Variants in DAB1 observed in about 807,000 individuals in gnomAD.
DAB1 encodes DAB adaptor protein 1.
In DAB1, 15 loss-of-function variants were observed where a neutral mutation model predicts 64.6. The ratio of observed to expected loss-of-function variants is 0.23; its 90% CI spans 0.16 to 0.36. DAB1 has a LOEUF of 0.36. Among genes scored for constraint, DAB1 ranks in the 10% least tolerant of loss-of-function variants. The pLI, the probability that DAB1 is intolerant of heterozygous loss-of-function variation, is 1.00. For missense variants in DAB1, 596 were observed against 706.7 expected, an observed-to-expected ratio of 0.84 and a Z score of 1.78; for synonymous variants, 235 against 251.9, an observed-to-expected ratio of 0.93 and a Z score of 0.64.
At chr1:57,499,871 G>A (rs943091429) in intron 7 of DAB1, among the ~76,000 whole-genome samples, 1 of 152,200 alleles carries the variant, frequency 6.6e-6, no homozygotes, top group East Asian at 1.9e-4. Context: ...ACTTGATTGT[G>A]AGCTGCTTTG....
At chr1:57,254,394 A>T (rs1470087247) in intron 2 of DAB1, among the ~76,000 whole-genome samples, 1 of 152,258 alleles carries the variant, frequency 6.6e-6, no homozygotes, top group African/African-American at 2.4e-5. Flanking sequence ...TAACACACAC[A>T]AAATAATCAA....
intron 3 of DAB1, among the ~76,000 whole-genome samples, chr1:57,139,308 T>C (rs1255523741): frequency 2.6e-5 from 4 of 152,110 alleles, no homozygotes; most frequent in Non-Finnish European, 5.9e-5. Context: ...GGATACAGCA[T>C]GTATCCACTT....
intron 6 of DAB1, among the ~76,000 whole-genome samples, chr1:57,779,897 G>A (rs1442174615): frequency 6.6e-6 from 1 of 152,044 alleles, no homozygotes; most frequent in African/African-American, 2.4e-5. Context: ...CCATCAAGAA[G>A]AGAGGCCTGA....
chr1:57,669,358 A>G (rs1346690762), intron 6 of DAB1, among the ~76,000 whole-genome samples: 2 of 152,170 alleles, frequency 1.3e-5, no homozygotes, highest in Admixed American at 1.3e-4. Context: ...CACTACTATA[A>G]GAATGTATAC....
At position 58,481,215 on chromosome 1, in the gene DAB1, C is replaced by T. The variant is rs766274122; in HGVS notation, n.257+24845G>A. ...AAAATAAAAAAATACTATATATATA[C>T]ATCAATGTATTCAGATTGTTTCAGT... On this transcript the variant is annotated intron_variant and non_coding_transcript_variant, in intron 3 of 20. Coordinates refer to the DAB1 transcript ENST00000485760. 189 of 648,124 alleles carry T rather than the reference C, an allele frequency of 2.9e-4. No homozygotes were observed. The East Asian group carries it at 3.7e-3, about 13-fold the overall frequency. 40.1% of individuals were successfully genotyped at this position (648,124 alleles called of 1,614,324 possible).
chr1:58,230,734 A>G (rs966557257), intron 4 of DAB1, among the ~76,000 whole-genome samples: 6 of 152,254 alleles, frequency 3.9e-5, no homozygotes, highest in African/African-American at 1.4e-4. Flanking sequence ...GCAGCAACAA[A>G]GTAAAAGCAT....
chr1:58,131,238 A>T (rs1280045857), intron 5 of DAB1, among the ~76,000 whole-genome samples: 5 of 143,818 alleles, frequency 3.5e-5, no homozygotes. Context: ...CCTTTCTTCC[A>T]GTTGATCGCA....
chr1:57,180,576 A>G (rs1662807797), intron 2 of DAB1, among the ~76,000 whole-genome samples: 1 of 152,146 alleles, frequency 6.6e-6, no homozygotes. Flanking sequence ...CTGGCCTAAG[A>G]TAGTCTTCTA....
At chr1:58,330,894 G>A (rs1392955724) in intron 4 of DAB1, among the ~76,000 whole-genome samples, 2 of 152,198 alleles carry the variant, frequency 1.3e-5, no homozygotes, top group African/African-American at 4.8e-5. Flanking sequence ...AGAGATGAAT[G>A]TTGTTTTTAT....
rs553459859 is a variant in DAB1, at chr1:57,104,406, G to A, written c.307-31992C>T. 2.0e-5 allele frequency among the ~76,000 whole-genome samples: 3 copies of A among 152,264 alleles called. No homozygotes were observed. The East Asian group carries it at 5.8e-4, about 29-fold the overall frequency. ...AGGAATATTTTTATAATCTGCACCA[G>A]TCAATTTAAAAATTTCAATTAACTT... On this transcript the variant is annotated intron_variant, in intron 4 of 14. Coordinates refer to ENST00000371236, the MANE Select transcript of DAB1 (RefSeq NM_001365792.1).
rs1644065437 is a variant in DAB1 at position 58,352,226 on chromosome 1, T to TCCC, written n.258-8826_258-8824dup. Among the ~76,000 whole-genome samples, 8 of 152,184 alleles carry TCCC rather than the reference T, an allele frequency of 5.3e-5. No homozygotes were observed. The South Asian group carries it at 1.7e-3, about 32-fold the overall frequency. Reference sequence around the variant, plus strand: ...TATTTTTCTCTTATGCCTAGATGCCTCCCCTGCCTCCTCTAAATTAACCTG... The same window carrying TCCC: ...TATTTTTCTCTTATGCCTAGATGCCTCCCCCCCTGCCTCCTCTAAATTAACCTG... On this transcript the variant is annotated intron_variant and non_coding_transcript_variant, in intron 3 of 20. Transcript: ENST00000485760.
At chr1:57,643,150 A>C (rs1303846775) in intron 7 of DAB1, among the ~76,000 whole-genome samples, 1 of 152,178 alleles carries the variant, frequency 6.6e-6, no homozygotes, top group African/African-American at 2.4e-5. Context: ...TCTGGGGGCA[A>C]TATACCTGCC....
chr1:57,441,972 C>T (rs1570523782), intron 7 of DAB1, among the ~76,000 whole-genome samples: 3 of 152,300 alleles, frequency 2.0e-5, no homozygotes, highest in Admixed American at 2.0e-4. Flanking sequence ...TTAATAATAG[C>T]TATCTGACTG....
At chr1:57,822,927 T>A (rs764886865), downstream of DAB1, among the ~76,000 whole-genome samples, 3 of 151,338 alleles carry the variant, frequency 2.0e-5, no homozygotes, top group African/African-American at 7.3e-5. Flanking sequence ...AGGCTCCCAA[T>A]AGAAAAGAAA....
intron 6 of DAB1, chr1:57,071,290 C>A: frequency 1.5e-6 from 1 of 654,944 alleles, no homozygotes; most frequent in Non-Finnish European, 2.5e-6. Context: ...GGGTCCTCCA[C>A]CCCTGAAATC....
chr1:57,332,737 A>T (rs546884699), intron 1 of DAB1, among the ~76,000 whole-genome samples: 11 of 152,268 alleles, frequency 7.2e-5, no homozygotes, highest in African/African-American at 2.6e-4. Flanking sequence ...CAATAGATTT[A>T]AAAAAATGGA....
chr1:58,107,409 T>A (rs1210750783), intron 5 of DAB1, among the ~76,000 whole-genome samples: 1 of 149,852 alleles, frequency 6.7e-6, no homozygotes, highest in Non-Finnish European at 1.5e-5. Flanking sequence ...AGGCGGAGTT[T>A]GCAGTGAGCA....
At chr1:57,225,793 C>G (rs540674433) in intron 2 of DAB1, among the ~76,000 whole-genome samples, 5 of 152,118 alleles carry the variant, frequency 3.3e-5, no homozygotes, top group Non-Finnish European at 5.9e-5. Context: ...TTAGACATTA[C>G]CATGGAGGTA....
chr1:58,314,774 T>G (rs1662514921), intron 4 of DAB1, among the ~76,000 whole-genome samples: 1 of 152,240 alleles, frequency 6.6e-6, no homozygotes, highest in Non-Finnish European at 1.5e-5. Context: ...GTCTGTTTTG[T>G]TCACAACATT....
Sources: gnomAD v4.1 joint callset for allele counts (sites outside exome capture counted in the v4.1 genomes callset) on GRCh38, gnomAD v4.1.1 for gene constraint, MANE v1.5 for transcripts, NCBI Gene and HGNC (gene_info 2026-07-23, HGNC 2026-07-21) for gene names.